The following LPP variants were observed in gnomAD, a reference collection of about 807,000 sequenced individuals.
LPP encodes the protein lipoma-preferred partner.
A neutral mutation model predicts 60.4 loss-of-function variants in LPP; 38 were observed. The observed-to-expected ratio is 0.63, with a 90% CI of 0.49 to 0.83. LPP has a LOEUF of 0.83. Ranked by LOEUF, LPP falls within the 40% of genes least tolerant of loss-of-function variation. The probability of loss-of-function intolerance (pLI) is 0.00; values close to 1 mark genes in which losing one functional copy is unlikely to be tolerated. For synonymous variants in LPP, 328 were observed against 290.8 expected (o/e 1.13, Z -1.30); for missense variants, 902 against 783.6 (o/e 1.15, Z -1.80).
chr3:188,763,062 G>T (rs1010295160), intron 9 of LPP, among the ~76,000 whole-genome samples: 1 of 152,170 alleles, frequency 6.6e-6, no homozygotes, highest in Non-Finnish European at 1.5e-5. Context: ...TGGCTTTGAA[G>T]ATAGTTTGCA....
At chr3:188,457,872 G>A (rs1051634123) in intron 4 of LPP, among the ~76,000 whole-genome samples, 5 of 152,000 alleles carry the variant, frequency 3.3e-5, no homozygotes, top group African/African-American at 9.7e-5. Flanking sequence ...TCACGCCCCT[G>A]CACTCCAGCC....
chr3:188,457,674 C>T (rs1298729204), intron 4 of LPP, among the ~76,000 whole-genome samples: 2 of 150,870 alleles, frequency 1.3e-5, no homozygotes, highest in African/African-American at 2.4e-5. Flanking sequence ...GAGCAGATCA[C>T]GAGGTCAGGA....
chr3:188,612,238 C>G (rs753586144), intron 7 of LPP, among the ~76,000 whole-genome samples: 4 of 152,082 alleles, frequency 2.6e-5, no homozygotes, highest in Non-Finnish European at 5.9e-5. Context: ...GCCATCTGTC[C>G]TGTCTGTGCT....
chr3:188,822,727 A>G (rs1754326224), intron 9 of LPP, among the ~76,000 whole-genome samples: 1 of 152,154 alleles, frequency 6.6e-6, no homozygotes, highest in African/African-American at 2.4e-5. Flanking sequence ...CATAGTGGGC[A>G]TTCAGTAGGT....
intron 1 of LPP, among the ~76,000 whole-genome samples, chr3:188,185,092 C>T (rs1165187212): frequency 1.3e-5 from 2 of 152,138 alleles, no homozygotes; most frequent in East Asian, 1.9e-4. Context: ...TCTCTGTTTG[C>T]AGAGACGCCT....
At chr3:188,462,580 ATATATGCATGTGTG>A (rs1278783150) in intron 4 of LPP, among the ~76,000 whole-genome samples, 7 of 52,406 alleles carry the variant, frequency 1.3e-4, no homozygotes, top group Middle Eastern at 0.01. Context: ...ATATATATAT[ATATATGCATGTGTG>A]TGTGTGTGTG....
intron 6 of LPP, among the ~76,000 whole-genome samples, chr3:188,593,913 A>C (rs969612256): frequency 6.6e-6 from 1 of 152,176 alleles, no homozygotes; most frequent in African/African-American, 2.4e-5. Flanking sequence ...ACACGTGTGC[A>C]AGTATCATTT....
intron 3 of LPP, among the ~76,000 whole-genome samples, chr3:188,357,142 C>T (rs991849062): frequency 6.6e-6 from 1 of 152,042 alleles, no homozygotes; most frequent in Non-Finnish European, 1.5e-5. Flanking sequence ...AAGGTAGAGA[C>T]TATAAGAAGA....
chr3:188,869,411 C>T (rs748014516), intron 10 of LPP, among the ~76,000 whole-genome samples: 2 of 152,206 alleles, frequency 1.3e-5, no homozygotes, highest in African/African-American at 2.4e-5. Context: ...CTGCCTCAGC[C>T]TCCCAAGTAG....
At chr3:188,699,852 G>A (rs546926294) in intron 7 of LPP, among the ~76,000 whole-genome samples, 135 of 152,262 alleles carry the variant, frequency 8.9e-4, no homozygotes, top group Admixed American at 6.5e-3. Flanking sequence ...GCAGTGAGAT[G>A]TTGAGAGTAG....
At chr3:188,795,403 A>G (rs1745037065) in intron 9 of LPP, among the ~76,000 whole-genome samples, 1 of 152,206 alleles carries the variant, frequency 6.6e-6, no homozygotes, top group Non-Finnish European at 1.5e-5. Flanking sequence ...ACTCTGTCTT[A>G]TTCCATCCAG....
rs74873932 is a variant in LPP at position 188,873,219 on chromosome 3, G to T, written c.1710+456G>T. ...ACGCCTCTAGAGCTGCAGTATATCT[G>T]CATGTTCTTTTCAGTAAAGCCAAAC... On this transcript the variant is annotated intron_variant, in intron 11 of 11. Transcript: ENST00000617246. 8.5e-3 allele frequency among the ~76,000 whole-genome samples: 1,294 copies of T among 152,292 alleles called. 21 individuals carry two copies. The highest frequency in any genetic ancestry group is 0.03 in the African/African-American group (1,244 of 41,550).
At chr3:188,527,379 A>T (rs1473210349) in intron 6 of LPP, among the ~76,000 whole-genome samples, 1 of 151,312 alleles carries the variant, frequency 6.6e-6, no homozygotes, top group Non-Finnish European at 1.5e-5. Context: ...AAGAGAGAAT[A>T]TAAGTCTGGT....
At chr3:188,396,033 A>G (rs984628299) in intron 3 of LPP, among the ~76,000 whole-genome samples, 5 of 152,224 alleles carry the variant, frequency 3.3e-5, no homozygotes, top group Non-Finnish European at 4.4e-5. Context: ...GATACAAACA[A>G]CACAGTTGAC....
At position 188,681,440 on chromosome 3, in the gene LPP, C is replaced by T. The variant is rs186599246; in HGVS notation, c.1114-26827C>T. Among the ~76,000 whole-genome samples, 22 of 152,260 alleles carry T rather than the reference C, an allele frequency of 1.4e-4. No homozygotes were observed. In the East Asian group the frequency reaches 3.9e-3, roughly 27 times the overall value. ...CCAGAAGGTTCAGGAAGAGCCTTTC[C>T]CTCCAAAATGTTCATAGCATTTGAT... On this transcript the variant is annotated intron_variant, in intron 7 of 11. Coordinates refer to ENST00000617246, the MANE Select transcript of LPP (RefSeq NM_001375462.1).
At chr3:188,525,167 A>G (rs1472561244) in intron 6 of LPP, among the ~76,000 whole-genome samples, 2 of 151,838 alleles carry the variant, frequency 1.3e-5, no homozygotes. Context: ...GGGTTTCACC[A>G]TGTTGGTCAG....
Position 188,670,995 on chromosome 3 carries a change from C to T in LPP, c.1114-37272C>T, listed in dbSNP as rs560149377. Among the ~76,000 whole-genome samples the T allele has an allele frequency of 1.8e-4, 27 of 152,272 alleles. 1 individual carries two copies. In the South Asian group the frequency reaches 5.0e-3, roughly 28 times the overall value. On this transcript the variant is annotated intron_variant, in intron 7 of 11. Coordinates refer to ENST00000617246, the MANE Select transcript of LPP (RefSeq NM_001375462.1). ...CCAATAGGGCAATTTCAGTTTCCCCCGCGTTTTCTACATAAGTTGTCCTTT... is the reference window on the plus strand; with the variant it reads ...CCAATAGGGCAATTTCAGTTTCCCCTGCGTTTTCTACATAAGTTGTCCTTT...
At chr3:188,390,509 C>T (rs529975772) in intron 3 of LPP, among the ~76,000 whole-genome samples, 1 of 151,742 alleles carries the variant, frequency 6.6e-6, no homozygotes, top group South Asian at 2.1e-4. Context: ...TTGTTGTCTC[C>T]ATTTTACAGG....
At chr3:188,365,179 C>A (rs150458899) in intron 3 of LPP, among the ~76,000 whole-genome samples, 20 of 149,896 alleles carry the variant, frequency 1.3e-4, no homozygotes, top group Middle Eastern at 3.4e-3. Context: ...CTTCCTTTTC[C>A]TAGAAGCTAA....
Sources: allele counts gnomAD v4.1 joint callset (sites outside exome capture counted in the v4.1 genomes callset), GRCh38; gene constraint gnomAD v4.1.1; transcripts MANE v1.5; gene names NCBI Gene and HGNC (gene_info 2026-07-23, HGNC 2026-07-21).